Variants in SLIT3 observed in about 807,000 individuals in gnomAD.
SLIT3 encodes slit homolog 3 protein.
A neutral mutation model predicts 184.0 loss-of-function variants in SLIT3; 68 were observed. The ratio of observed to expected loss-of-function variants is 0.37; its 90% CI spans 0.30 to 0.45. SLIT3 has a LOEUF of 0.45. Ranked by LOEUF, SLIT3 falls within the 20% of genes least tolerant of loss-of-function variation. SLIT3 has a pLI of 1.00. For synonymous variants in SLIT3, 831 were observed against 828.6 expected (o/e 1.00, Z -0.05); for missense variants, 1,707 against 2,026.0 (o/e 0.84, Z 3.02).
At chr5:168,939,860 G>T (rs6862117) in intron 4 of SLIT3, among the ~76,000 whole-genome samples, 11,255 of 152,256 alleles carry the variant, frequency 0.074, 1,063 homozygotes, top group African/African-American at 0.22. Flanking sequence ...GCCTGGCACT[G>T]TGTTAAAGAT....
chr5:169,069,354 G>A (rs994554745), intron 4 of SLIT3, among the ~76,000 whole-genome samples: 1 of 152,216 alleles, frequency 6.6e-6, no homozygotes, highest in Non-Finnish European at 1.5e-5. Context: ...AAGAGGAACT[G>A]CCTTGGAGGG....
chr5:169,083,232 G>A (rs780746638), intron 4 of SLIT3, among the ~76,000 whole-genome samples: 1 of 152,158 alleles, frequency 6.6e-6, no homozygotes, highest in Non-Finnish European at 1.5e-5. Flanking sequence ...AAATACATTT[G>A]GAAATCTGGA....
chr5:168,879,154 T>C (rs1407074672), intron 5 of SLIT3, among the ~76,000 whole-genome samples: 1 of 152,248 alleles, frequency 6.6e-6, no homozygotes, highest in Non-Finnish European at 1.5e-5. Flanking sequence ...TAGGCCCAAC[T>C]GGTTGTCATT....
rs142953631 is a variant in SLIT3, at chr5:168,901,362, TCAAAACAAAACAAAA to T, written c.414-18041_414-18027del. 2.2e-3 allele frequency among the ~76,000 whole-genome samples: 323 copies of T among 148,842 alleles called. 3 individuals are homozygous for T. The highest frequency in any genetic ancestry group is 7.6e-3 in the African/African-American group (309 of 40,492). On this transcript the variant is annotated intron_variant, in intron 4 of 35. Coordinates refer to ENST00000519560, the MANE Select transcript of SLIT3 (RefSeq NM_003062.4). ...CTGGGTGACAGAGTGAGACTCCGTC[TCAAAACAAAACAAAA>T]CAAAACAAAACAAAACAAAATTGCA...
intron 3 of SLIT3, among the ~76,000 whole-genome samples, chr5:169,201,487 G>A (rs1763902456): frequency 1.3e-5 from 2 of 152,194 alleles, no homozygotes; most frequent in Non-Finnish European, 2.9e-5. Flanking sequence ...GGCTCAATAA[G>A]TGGTAGCTGT....
intron 4 of SLIT3, among the ~76,000 whole-genome samples, chr5:169,057,493 G>A (rs1758040628): frequency 6.6e-6 from 1 of 152,222 alleles, no homozygotes. Flanking sequence ...GAGTGCAAAA[G>A]CAGCGTCTGA....
intron 32 of SLIT3, among the ~76,000 whole-genome samples, chr5:168,675,306 C>T (rs1220671291): frequency 6.6e-6 from 1 of 152,154 alleles, no homozygotes; most frequent in Non-Finnish European, 1.5e-5. Context: ...ACTGATTAGG[C>T]AGGCAGGGAC....
chr5:168,957,935 C>T (rs1762884052), intron 4 of SLIT3, among the ~76,000 whole-genome samples: 1 of 151,952 alleles, frequency 6.6e-6, no homozygotes, highest in Non-Finnish European at 1.5e-5. Context: ...GTTAATGAAA[C>T]ATCATTAACC....
chr5:168,856,937 G>A (rs1758900534), intron 5 of SLIT3, among the ~76,000 whole-genome samples: 1 of 152,062 alleles, frequency 6.6e-6, no homozygotes, highest in African/African-American at 2.4e-5. Flanking sequence ...GAGGCCTCTG[G>A]TCTGGGTGGG....
intron 5 of SLIT3, among the ~76,000 whole-genome samples, chr5:168,854,364 G>A (rs1449693271): frequency 6.9e-6 from 1 of 144,472 alleles, no homozygotes; most frequent in Admixed American, 6.9e-5. Flanking sequence ...GGGGGTGGGG[G>A]GAGCAGCACA....
In SLIT3 at chr5:168,864,772, G is replaced by T. The variant is rs1450935890; in HGVS notation, c.485+18493C>A. ...ATATATACTGATGAAGGCTTTCTTC[G>T]CAATTTACATTAGTTTTCTAAGACA... On this transcript the variant is annotated intron_variant, in intron 5 of 35. Transcript: ENST00000519560. Among the ~76,000 whole-genome samples, 3 of 152,158 alleles carry T rather than the reference G, an allele frequency of 2.0e-5. No homozygotes were observed. The South Asian group carries it at 6.2e-4, about 32-fold the overall frequency.
intron 4 of SLIT3, among the ~76,000 whole-genome samples, chr5:169,091,365 T>C (rs1261416530): frequency 6.6e-6 from 1 of 152,150 alleles, no homozygotes; most frequent in Non-Finnish European, 1.5e-5. Flanking sequence ...GTCCCATTCT[T>C]CCCACCCATT....
intron 18 of SLIT3, among the ~76,000 whole-genome samples, chr5:168,751,468 T>C (rs73324058): frequency 0.097 from 14,708 of 152,056 alleles, 2,327 homozygotes; most frequent in African/African-American, 0.34. Context: ...TCAATCCTCA[T>C]AACCATCCTA....
intron 4 of SLIT3, among the ~76,000 whole-genome samples, chr5:169,029,750 T>C (rs1163969143): frequency 6.6e-6 from 1 of 152,120 alleles, no homozygotes; most frequent in Non-Finnish European, 1.5e-5. Context: ...TTTAGCATTG[T>C]GTGGGGAGGG....
chr5:169,246,390 G>T (rs1561764308), intron 2 of SLIT3, among the ~76,000 whole-genome samples: 1 of 152,188 alleles, frequency 6.6e-6, no homozygotes, highest in Non-Finnish European at 1.5e-5. Flanking sequence ...CCACAGCCAG[G>T]TAGGGTGGGC....
chr5:168,705,522 C>T (rs897104533), intron 26 of SLIT3, among the ~76,000 whole-genome samples: 7 of 152,134 alleles, frequency 4.6e-5, no homozygotes, highest in South Asian at 2.1e-4. Context: ...TCATCATCAC[C>T]GATACCATCA....
intron 5 of SLIT3, among the ~76,000 whole-genome samples, chr5:168,858,349 C>G (rs1205000587): frequency 6.6e-6 from 1 of 152,248 alleles, no homozygotes; most frequent in Non-Finnish European, 1.5e-5. Flanking sequence ...ACTCCTTTGT[C>G]TCCTTCAGAA....
intron 1 of SLIT3, among the ~76,000 whole-genome samples, chr5:169,289,115 A>G (rs1480851010): frequency 2.0e-5 from 3 of 152,222 alleles, no homozygotes; most frequent in African/African-American, 7.2e-5. Flanking sequence ...GTTATAGATG[A>G]GACTATGGAG....
intron 4 of SLIT3, among the ~76,000 whole-genome samples, chr5:169,184,513 TTCAAAATATATAAAATAACAGGGGCTA>T (rs972809890): frequency 6.6e-6 from 1 of 152,224 alleles, no homozygotes; most frequent in Admixed American, 6.5e-5. Context: ...GGTTCCTTCC[TTCAAAATATATAAAATAACAGGGGCTA>T]TATGAGATCG....
Sources: allele counts gnomAD v4.1 joint callset (sites outside exome capture counted in the v4.1 genomes callset), GRCh38; gene constraint gnomAD v4.1.1; transcripts MANE v1.5; gene names NCBI Gene and HGNC (gene_info 2026-07-23, HGNC 2026-07-21).